The following CRAMP1 variants were observed in gnomAD, a reference collection of about 807,000 sequenced individuals.
CRAMP1 encodes protein cramped-like.
CRAMP1 carries 50 observed loss-of-function variants against 115.4 expected under a neutral mutation model. The ratio of observed to expected loss-of-function variants is 0.43; its 90% CI spans 0.35 to 0.55. The LOEUF is 0.55. Ranked by LOEUF, CRAMP1 falls within the 20% of genes least tolerant of loss-of-function variation. CRAMP1 has a pLI of 0.01. For synonymous variants in CRAMP1, 866 were observed against 745.4 expected (o/e 1.16, Z -2.64); for missense variants, 1,679 against 1,721.7 (o/e 0.98, Z 0.44).
At chr16:1,673,819 G>A (rs1445708538) in intron 20 of CRAMP1, 62 bp from the exon 21 acceptor site, 6 of 1,533,378 alleles carry the variant, frequency 3.9e-6, no homozygotes, top group South Asian at 1.1e-5. Context: ...TTCAGGACCC[G>A]CCCTCCACTG....
At chr16:1,662,919 A>G (rs919529416) in intron 13 of CRAMP1, 84 bp downstream of exon 13, 7 of 1,066,110 alleles carry the variant, frequency 6.6e-6, no homozygotes, top group African/African-American at 6.4e-5. Flanking sequence ...TCACATTTTC[A>G]TGGTGTAAAA....
chr16:1,644,724 G>A (rs2036659345), intron 6 of CRAMP1, among the ~76,000 whole-genome samples: 1 of 152,168 alleles, frequency 6.6e-6, no homozygotes, highest in African/African-American at 2.4e-5. Context: ...CTGGAGGGCT[G>A]GGCCAGGCCC....
rs920515248 is a variant in CRAMP1 at position 1,656,972 on chromosome 16, A to G, written c.2215A>G (p.Thr739Ala). 2.2e-5 allele frequency: 34 copies of G among 1,540,726 alleles called. No homozygotes were observed. The highest frequency in any genetic ancestry group is 2.7e-5 in the African/African-American group (2 of 73,004). Residue 739 changes from threonine (T) to alanine (A), a missense_variant, in exon 10 of 21, where the codon ACC becomes GCC. Thr to Ala is a moderately conservative substitution (Grantham distance 58). This residue lies in a region of CRAMP1 where 709 missense variants were observed against 741.9 expected (regional missense o/e 0.96). Transcript: ENST00000397412. This position sits in a 1 kb window ranked among gnomAD's most constrained non-coding sequence, Gnocchi z 5.6. ...CAGCTGCCTCCTGAAGCTCATTTCC[A>G]CCGAGGTCAACCCCAAGCTGGTGAG... ...LLSCLLKLIS[T>A]EVNPKLALEA...
chr16:1,664,080 C>T (rs183863061), intron 13 of CRAMP1, among the ~76,000 whole-genome samples: 254 of 152,302 alleles, frequency 1.7e-3, no homozygotes, highest in African/African-American at 5.7e-3. Flanking sequence ...CTAGTCTCTC[C>T]GACGCCAGTG....
At position 1,656,098 on chromosome 16, in the gene CRAMP1, C is replaced by T; in HGVS notation, c.1341C>T (p.Ile447=). 1 of 1,609,876 alleles carries T rather than the reference C, an allele frequency of 6.2e-7. No individual in the cohort carries two copies. The highest frequency in any genetic ancestry group is 8.5e-7 in the Non-Finnish European group (1 of 1,178,812). ...KDAHVLPPAQ[I]LGIQSGQGTA... Reference sequence around the variant, plus strand: ...CCCACGTGCTGCCCCCAGCCCAGATCCTGGGCATCCAGAGTGGGCAGGGCA... The same window carrying T: ...CCCACGTGCTGCCCCCAGCCCAGATTCTGGGCATCCAGAGTGGGCAGGGCA... Residue 447 remains isoleucine, a synonymous_variant, in exon 10 of 21, where the codon ATC becomes ATT. Coordinates refer to ENST00000397412, the MANE Select transcript of CRAMP1 (RefSeq NM_020825.4). The surrounding 1 kb of genome is among the most constrained non-coding windows in gnomAD (Gnocchi z 5.6).
intron 19 of CRAMP1, among the ~76,000 whole-genome samples, chr16:1,670,076 G>A (rs548140298): frequency 5.9e-5 from 9 of 152,094 alleles, no homozygotes; most frequent in South Asian, 2.1e-4. Flanking sequence ...ACCAGCCTTG[G>A]CAGCATAGAG....
At chr16:1,615,134 G>T (rs1178208900) in intron 2 of CRAMP1, 149 bp downstream of exon 2, 8 of 409,288 alleles carry the variant, frequency 2.0e-5, no homozygotes, top group Non-Finnish European at 2.9e-5. Context: ...CACTTATGGG[G>T]CATGTGTCCC....
chr16:1,614,879 C>G lies in CRAMP1; in HGVS notation c.240C>G (p.His80Gln). The change falls in exon 2 of 21, where the codon CAC becomes CAG. Residue 80 changes from histidine (H) to glutamine (Q), a missense_variant. Around this residue, in one of 8 missense-constraint regions of CRAMP1, gnomAD observed 264 missense variants for 229.7 expected, o/e 1.15. Coordinates refer to ENST00000397412, the MANE Select transcript of CRAMP1 (RefSeq NM_020825.4). The surrounding 1 kb of genome is among the most constrained non-coding windows in gnomAD (Gnocchi z 4.4). ...CGCAGGGCAGCCCCCAGGACCAGCA[C>G]CACTTCCTCCGGTCCAGCGTGCGGC... Reference protein sequence around the residue: ...SPPQGSPQDQHHFLRSSVRPQ... With the variant: ...SPPQGSPQDQQHFLRSSVRPQ... 1 of 1,331,166 alleles carries G rather than the reference C, an allele frequency of 7.5e-7. No homozygotes were observed. Among genetic ancestry groups the G allele is most frequent in the Non-Finnish European group, 9.6e-7 (1 of 1,038,992 alleles). 82.5% of individuals were successfully genotyped at this position (1,331,166 alleles called of 1,614,324 possible). A position where few individuals can be genotyped will look rare whatever the true frequency, so the allele number is the denominator to read the frequency against.
At chr16:1,652,228 C>T (rs1054890700) in intron 6 of CRAMP1, among the ~76,000 whole-genome samples, 5 of 152,232 alleles carry the variant, frequency 3.3e-5, no homozygotes, top group African/African-American at 1.2e-4. Flanking sequence ...CCAGGCCAGT[C>T]ACCAAGGCAG....
chr16:1,668,800 G>A (rs941451473), intron 18 of CRAMP1, among the ~76,000 whole-genome samples: 2 of 152,154 alleles, frequency 1.3e-5, no homozygotes, highest in Non-Finnish European at 1.5e-5. Flanking sequence ...TACTGCCGTC[G>A]CCTTCACTCC....
rs570572873 is a variant in CRAMP1, at chr16:1,649,363, A to T, written c.828-3133A>T. ...GGGTGGGTAGAGGCATGGTCAATGG[A>T]TAGATAGAAGAGTAGCTGCCATGCA... On this transcript the variant is annotated intron_variant, in intron 6 of 20. Transcript: ENST00000397412. Among the ~76,000 whole-genome samples the T allele has an allele frequency of 5.9e-5, 9 of 152,344 alleles. 1 individual carries two copies. In the South Asian group the frequency reaches 1.9e-3, roughly 32 times the overall value.
At chr16:1,626,187 C>A (rs758917215) in intron 3 of CRAMP1, 21 bp downstream of exon 3, 6 of 1,460,784 alleles carry the variant, frequency 4.1e-6, no homozygotes, top group Non-Finnish European at 5.5e-6. Context: ...TGTGGAGGCA[C>A]GGCCAGGCAG....
intron 11 of CRAMP1, 81 bp downstream of exon 11, chr16:1,660,144 G>C: frequency 7.9e-7 from 1 of 1,264,512 alleles, no homozygotes; most frequent in Non-Finnish European, 1.1e-6. Context: ...CCGAAGCTGA[G>C]AGCACAGGTG....
At chr16:1,673,821 C>T in intron 20 of CRAMP1, 60 bp from the exon 21 acceptor site, 2 of 1,546,688 alleles carry the variant, frequency 1.3e-6, no homozygotes, top group Non-Finnish European at 1.8e-6. Context: ...CAGGACCCGC[C>T]CTCCACTGAA....
At chr16:1,659,717 C>T (rs924037943) in intron 10 of CRAMP1, among the ~76,000 whole-genome samples, 169 bp from the exon 11 acceptor site, 2 of 152,210 alleles carry the variant, frequency 1.3e-5, no homozygotes, top group African/African-American at 4.8e-5. Context: ...GGCAAGCTGC[C>T]AAGCGACTCT....
At chr16:1,639,746 C>T (rs561749831) in intron 5 of CRAMP1, among the ~76,000 whole-genome samples, 1 of 152,252 alleles carries the variant, frequency 6.6e-6, no homozygotes, top group South Asian at 2.1e-4. Context: ...TCCCATCTGC[C>T]ATGAAGAAAG....
chr16:1,640,937 G>A (rs1367239204), intron 5 of CRAMP1, among the ~76,000 whole-genome samples: 2 of 152,208 alleles, frequency 1.3e-5, no homozygotes, highest in South Asian at 2.1e-4. Flanking sequence ...GCTTTCAGGT[G>A]AGCGGGGGCG....
chr16:1,657,362 G>C (rs979566100), intron 10 of CRAMP1, among the ~76,000 whole-genome samples: 34 of 152,214 alleles, frequency 2.2e-4, no homozygotes. Context: ...CTTGTGAGCC[G>C]CCTCGTGTTC....
At position 1,613,062 on chromosome 16, in the gene CRAMP1, C is replaced by G. The variant is rs148498602; in HGVS notation, c.-2+405C>G. 4.2e-3 allele frequency among the ~76,000 whole-genome samples: 642 copies of G among 151,846 alleles called. 7 individuals carry two copies. The highest frequency in any genetic ancestry group is 0.015 in the African/African-American group (617 of 41,378). On this transcript the variant is annotated intron_variant, in intron 1 of 20. Coordinates refer to ENST00000397412, the MANE Select transcript of CRAMP1 (RefSeq NM_020825.4). ...GGCCGAGTTTGTTTTGCTTGGGTCC[C>G]GGGTGGCCTGCGGGCGGACAGGTCC...
Sources: allele counts gnomAD v4.1 joint callset (sites outside exome capture counted in the v4.1 genomes callset), GRCh38; gene constraint gnomAD v4.1.1; regional missense constraint gnomAD v4.1.1; non-coding constraint Gnocchi (gnomAD v3.1); transcripts MANE v1.5; gene names NCBI Gene and HGNC (gene_info 2026-07-23, HGNC 2026-07-21).